Variants in PRR5L observed in about 807,000 individuals in gnomAD.
The protein encoded by PRR5L is proline-rich protein 5-like.
PRR5L carries 21 observed loss-of-function variants against 36.4 expected under a neutral mutation model. The observed-to-expected ratio is 0.58, with a 90% CI of 0.41 to 0.83. The LOEUF (loss-of-function observed/expected upper bound fraction) is 0.83. Ranked by LOEUF, PRR5L falls within the 40% of genes least tolerant of loss-of-function variation. The pLI, the probability that PRR5L is intolerant of heterozygous loss-of-function variation, is 0.00. For synonymous variants in PRR5L, 188 were observed against 197.0 expected (o/e 0.95, Z 0.38); for missense variants, 381 against 473.3 (o/e 0.80, Z 1.81).
At chr11:36,340,607 G>A (rs1026338308) in intron 1 of PRR5L, among the ~76,000 whole-genome samples, 3 of 152,106 alleles carry the variant, frequency 2.0e-5, no homozygotes, top group East Asian at 3.8e-4. Flanking sequence ...TCACACCCTG[G>A]CATTCTGGCT....
intron 8 of PRR5L, among the ~76,000 whole-genome samples, chr11:36,458,293 G>T (rs1351951506): frequency 6.6e-6 from 1 of 152,190 alleles, no homozygotes; most frequent in Non-Finnish European, 1.5e-5. Context: ...AGTGGGGAAA[G>T]TCTGGGCACT....
intron 1 of PRR5L, among the ~76,000 whole-genome samples, chr11:36,315,267 G>T (rs1004137317): frequency 1.3e-5 from 2 of 152,182 alleles, no homozygotes; most frequent in African/African-American, 4.8e-5. Flanking sequence ...CTAGTCCAAT[G>T]TAAGAATTTA....
intron 1 of PRR5L, among the ~76,000 whole-genome samples, chr11:36,394,752 T>A (rs2133548077): frequency 6.6e-6 from 1 of 152,360 alleles, no homozygotes; most frequent in South Asian, 2.1e-4. Flanking sequence ...CCCACCTGGA[T>A]AATCTGGGAC....
chr11:36,462,113 T>A (rs1467699723), intron 8 of PRR5L, among the ~76,000 whole-genome samples: 2 of 152,166 alleles, frequency 1.3e-5, no homozygotes, highest in East Asian at 3.9e-4. Flanking sequence ...GGTGACCACC[T>A]AATATGTGGG....
intron 1 of PRR5L, among the ~76,000 whole-genome samples, chr11:36,301,889 T>C (rs1340335602): frequency 6.6e-6 from 1 of 152,222 alleles, no homozygotes; most frequent in Non-Finnish European, 1.5e-5. Flanking sequence ...CCCCCTCATC[T>C]TTTTTTCTTT....
intron 1 of PRR5L, among the ~76,000 whole-genome samples, chr11:36,302,176 A>C (rs1856383650): frequency 6.6e-6 from 1 of 152,234 alleles, no homozygotes. Context: ...GAACACAATG[A>C]ATGGCCTCTA....
At chr11:36,456,785 C>T (rs530164359) in intron 8 of PRR5L, among the ~76,000 whole-genome samples, 5 of 152,252 alleles carry the variant, frequency 3.3e-5, no homozygotes, top group Non-Finnish European at 5.9e-5. Context: ...CCTAAGAACT[C>T]GTGCCCCTGA....
In PRR5L at chr11:36,378,679, A is replaced by G. The variant is rs117414457; in HGVS notation, c.-125-22318A>G. Among the ~76,000 whole-genome samples, 290 of 152,334 alleles carry G rather than the reference A, an allele frequency of 1.9e-3. 5 individuals carry two copies. In the East Asian group the frequency reaches 0.044, roughly 23 times the overall value. On this transcript the variant is annotated intron_variant, in intron 1 of 8. Coordinates refer to ENST00000530639, the MANE Select transcript of PRR5L (RefSeq NM_001160167.2). ...TTTCAATAATGTTCTGTCTTAGAAC[A>G]TTACAAATATGTGCCACTTGTTTTA...
At chr11:36,339,466 G>T (rs1590456706) in intron 1 of PRR5L, among the ~76,000 whole-genome samples, 1 of 152,192 alleles carries the variant, frequency 6.6e-6, no homozygotes, top group East Asian at 1.9e-4. Flanking sequence ...AGGAATAAAA[G>T]CTGACACTTA....
At chr11:36,437,245 G>C in intron 5 of PRR5L, 140 bp from the exon 6 acceptor site, 1 of 754,120 alleles carries the variant, frequency 1.3e-6, no homozygotes, top group Non-Finnish European at 2.4e-6. Flanking sequence ...CTGCTCTCTG[G>C]GCTTTAATAG....
intron 4 of PRR5L, 92 bp downstream of exon 4, chr11:36,419,395 C>T: frequency 9.1e-7 from 1 of 1,096,726 alleles, no homozygotes; most frequent in East Asian, 2.4e-5. Flanking sequence ...TTGGACATTC[C>T]TTCAACAGAC....
intron 1 of PRR5L, among the ~76,000 whole-genome samples, chr11:36,298,057 C>T (rs1248539780): frequency 6.6e-6 from 1 of 152,160 alleles, no homozygotes; most frequent in Admixed American, 6.5e-5. Flanking sequence ...CATTATTTCT[C>T]ATCTTTGGGG....
At chr11:36,454,057 A>G (rs1436082069) in intron 8 of PRR5L, 2 of 152,344 alleles carry the variant, frequency 1.3e-5, no homozygotes, top group Non-Finnish European at 2.9e-5. Flanking sequence ...TGGACCATGG[A>G]GCAGACACTG....
chr11:36,325,358 C>T (rs1391737933), intron 1 of PRR5L, among the ~76,000 whole-genome samples: 6 of 152,232 alleles, frequency 3.9e-5, no homozygotes, highest in African/African-American at 9.6e-5. Context: ...AGGTCTGCCA[C>T]GGTAGCAAAC....
At chr11:36,404,271 T>TTTTTTG (rs1554926352) in intron 3 of PRR5L, among the ~76,000 whole-genome samples, 3 of 105,124 alleles carry the variant, frequency 2.9e-5, no homozygotes, top group East Asian at 2.1e-4. Context: ...ATCAGGTCTT[T>TTTTTTG]TTTTTTTTTT....
intron 1 of PRR5L, among the ~76,000 whole-genome samples, chr11:36,389,617 T>TA (rs1857525240): frequency 6.7e-6 from 1 of 150,010 alleles, no homozygotes; most frequent in African/African-American, 2.5e-5. Context: ...CCCATGTATT[T>TA]TTTTTTTTTT....
chr11:36,390,125 T>C (rs11825083), intron 1 of PRR5L, among the ~76,000 whole-genome samples: 93,467 of 152,036 alleles, frequency 0.61, 29,110 homozygotes, highest in Non-Finnish European at 0.66. Context: ...AGGCAGATTA[T>C]GACAAGACGA....
chr11:36,410,585 G>A (rs1026099080), intron 3 of PRR5L, among the ~76,000 whole-genome samples: 7 of 152,176 alleles, frequency 4.6e-5, no homozygotes, highest in African/African-American at 7.2e-5. Context: ...GCAGACTGCC[G>A]AGCATAGTGT....
At chr11:36,324,631 C>T (rs563743178) in intron 1 of PRR5L, among the ~76,000 whole-genome samples, 1 of 152,190 alleles carries the variant, frequency 6.6e-6, no homozygotes. Context: ...CCAAAAAATT[C>T]TAAGAAAAAG....
Sources: gnomAD v4.1 joint callset for allele counts (sites outside exome capture counted in the v4.1 genomes callset) on GRCh38, gnomAD v4.1.1 for gene constraint, MANE v1.5 for transcripts, NCBI Gene and HGNC (gene_info 2026-07-23, HGNC 2026-07-21) for gene names.